Variants in ZBTB49 observed in about 807,000 individuals in gnomAD.
ZBTB49 encodes zinc finger and BTB domain containing 49, also known as zinc finger and BTB domain-containing protein 49.
A neutral mutation model predicts 57.5 loss-of-function variants in ZBTB49; 43 were observed. The ratio of observed to expected loss-of-function variants is 0.75; its 90% CI spans 0.59 to 0.97. ZBTB49 has a LOEUF of 0.97. ZBTB49 is among the 50% of genes least tolerant of loss of function. The probability of loss-of-function intolerance (pLI) is 0.00; values close to 1 mark genes in which losing one functional copy is unlikely to be tolerated. For missense variants in ZBTB49, 938 were observed against 947.7 expected (o/e 0.99, Z 0.13); for synonymous variants, 369 against 362.1 (o/e 1.02, Z -0.22).
rs149844660 is a variant in ZBTB49, at chr4:4,315,666, C to T, written c.1407C>T (p.His469=). Residue 469 remains histidine (H), a synonymous_variant, in exon 6 of 8, where the codon CAC becomes CAT. Coordinates refer to ENST00000337872, the MANE Select transcript of ZBTB49 (RefSeq NM_145291.4). ...CAGCCTCTGGCGACGTCCAGCGTCA[C>T]ATTATTATTCACTCAGGAGAAAAAC... ...RFAASGDVQR[H]IIIHSGEKPH... 1.3e-4 allele frequency: 215 copies of T among 1,614,098 alleles called. No individual in the cohort carries two copies. The highest frequency in any genetic ancestry group is 1.7e-4 in the Non-Finnish European group (201 of 1,180,042).
chr4:4,310,511 A>AT (rs66523167), intron 4 of ZBTB49, among the ~76,000 whole-genome samples: 4,452 of 141,292 alleles, frequency 0.032, 128 homozygotes, highest in Non-Finnish European at 0.045. Flanking sequence ...ACTTGCTAGA[A>AT]TTTTTTTTTT....
rs1465226148 is a variant in ZBTB49, at chr4:4,303,048, T to C, written c.1212T>C (p.Phe404=). The C allele has an allele frequency of 6.2e-7, 1 of 1,612,322 alleles. No homozygotes were observed. Among genetic ancestry groups the C allele is most frequent in the Admixed American group, 1.7e-5 (1 of 59,736 alleles). ...CGTGTGAATTATGCGGGAAACCTTTTAAACACCCAAGCAACTTGGAGCTTC... is the reference window on the plus strand; with the variant it reads ...CGTGTGAATTATGCGGGAAACCTTTCAAACACCCAAGCAACTTGGAGCTTC... ...QYACELCGKP[F]KHPSNLELHK... is the part of the protein sequence containing the mutation. Residue 404 remains phenylalanine (F), a synonymous_variant, in exon 3 of 8, where the codon TTT becomes TTC. Transcript: ENST00000337872.
chr4:4,314,473 G>A (rs1308851873), intron 5 of ZBTB49, among the ~76,000 whole-genome samples: 1 of 152,238 alleles, frequency 6.6e-6, no homozygotes, highest in Non-Finnish European at 1.5e-5. Flanking sequence ...CTGGGTTCAA[G>A]CGATTCTCCT....
intron 7 of ZBTB49, among the ~76,000 whole-genome samples, chr4:4,319,594 G>C (rs1721325053): frequency 6.6e-6 from 1 of 152,250 alleles, no homozygotes; most frequent in Admixed American, 6.5e-5. Context: ...GCTGAGATGA[G>C]CTGATCACTT....
In ZBTB49 at chr4:4,321,432, A is replaced by G; in HGVS notation, c.*116A>G. The G allele has an allele frequency of 9.2e-7, 1 of 1,083,326 alleles. No homozygotes were observed. Among genetic ancestry groups the G allele is most frequent in the East Asian group, 2.6e-5 (1 of 38,876 alleles). The allele number at this position is 1,083,326 out of a possible 1,614,324, so 67.1% of individuals were successfully genotyped here. ...CCTTCTAACTAGCCAGAGAATAGGT[A>G]GCTTCCCTCCTGATGATGGCTCATA... On this transcript the variant is annotated 3_prime_UTR_variant, in exon 8 of 8. Transcript: ENST00000337872.
At chr4:4,294,341 C>T (rs1156652572) in intron 1 of ZBTB49, among the ~76,000 whole-genome samples, 2 of 151,844 alleles carry the variant, frequency 1.3e-5, no homozygotes, top group African/African-American at 4.8e-5. Context: ...GAGAACTATA[C>T]AAAATGATAT....
chr4:4,318,403 G>A (rs1478446393), intron 7 of ZBTB49, among the ~76,000 whole-genome samples: 1 of 152,180 alleles, frequency 6.6e-6, no homozygotes, highest in African/African-American at 2.4e-5. Flanking sequence ...ATCACTTGAC[G>A]TCAGGAGTTT....
intron 4 of ZBTB49, 86 bp downstream of exon 4, chr4:4,306,270 G>A (rs1652480005): frequency 8.7e-7 from 1 of 1,145,098 alleles, no homozygotes; most frequent in Admixed American, 1.9e-5. Flanking sequence ...TTTTGTACTT[G>A]TGAGAGAAGC....
chr4:4,315,451 T>G (rs1271754845), intron 5 of ZBTB49, among the ~76,000 whole-genome samples, 185 bp from the exon 6 acceptor site: 1 of 151,778 alleles, frequency 6.6e-6, no homozygotes, highest in East Asian at 2.0e-4. Flanking sequence ...TGCATCATGT[T>G]CTGCTTTTCT....
intron 1 of ZBTB49, among the ~76,000 whole-genome samples, chr4:4,298,820 C>T (rs915024092): frequency 6.6e-6 from 1 of 152,184 alleles, no homozygotes; most frequent in African/African-American, 2.4e-5. Flanking sequence ...CTAGACTGCG[C>T]CCTAGACATC....
In ZBTB49 at chr4:4,315,955, A is replaced by G. The variant is rs199649506; in HGVS notation, c.1606A>G (p.Ser536Gly). ...RIRHTGERPY[S>G]CSACGKCFGG... ...TCGGCACACGGGGGAGCGGCCTTAC[A>G]GCTGCTCTGCCTGCGGTGAGTTTGG... is the stretch of plus-strand genomic sequence containing the variant. Residue 536 changes from serine to glycine, a missense_variant, in exon 7 of 8, where the codon AGC (serine) becomes GGC (glycine). Around this residue, in one of 3 missense-constraint regions of ZBTB49, gnomAD observed 835 missense variants for 819.1 expected, o/e 1.02. Coordinates refer to ENST00000337872, the MANE Select transcript of ZBTB49 (RefSeq NM_145291.4). The G allele has an allele frequency of 1.5e-5, 24 of 1,613,980 alleles. No homozygotes were observed. In the East Asian group the frequency reaches 5.3e-4, roughly 36 times the overall value.
At chr4:4,312,792 C>G (rs999940804) in intron 4 of ZBTB49, among the ~76,000 whole-genome samples, 4 of 152,188 alleles carry the variant, frequency 2.6e-5, no homozygotes, top group Non-Finnish European at 5.9e-5. Flanking sequence ...CCTGCCTGAA[C>G]TAGGACACAG....
At chr4:4,295,050 A>G (rs1720128140) in intron 1 of ZBTB49, among the ~76,000 whole-genome samples, 1 of 152,102 alleles carries the variant, frequency 6.6e-6, no homozygotes, top group Non-Finnish European at 1.5e-5. Flanking sequence ...AAGTCTCCAT[A>G]TCTTAATTGT....
chr4:4,293,128 G>T (rs1167030371), intron 1 of ZBTB49, among the ~76,000 whole-genome samples: 1 of 152,154 alleles, frequency 6.6e-6, no homozygotes, highest in Non-Finnish European at 1.5e-5. Flanking sequence ...CATCCATCCA[G>T]AAATATGTAT....
chr4:4,296,116 G>A (rs73793204), intron 1 of ZBTB49, among the ~76,000 whole-genome samples: 2,488 of 152,330 alleles, frequency 0.016, 57 homozygotes, highest in African/African-American at 0.056. Context: ...GGATGGGACA[G>A]ATCAGGGACA....
chr4:4,320,564 T>C (rs956836367), intron 7 of ZBTB49, 76 bp from the exon 8 acceptor site: 1 of 1,565,790 alleles, frequency 6.4e-7, no homozygotes, highest in Non-Finnish European at 8.7e-7. Context: ...TGTTTGAGGC[T>C]AGGAGTTCAC....
At chr4:4,309,442 C>A (rs1386122094) in intron 4 of ZBTB49, among the ~76,000 whole-genome samples, 1 of 152,132 alleles carries the variant, frequency 6.6e-6, no homozygotes, top group East Asian at 1.9e-4. Context: ...TGGAGAGAAC[C>A]AAAAGAGTGA....
In ZBTB49 at chr4:4,315,837, G is replaced by A; in HGVS notation, c.1488G>A (p.Glu496=). Residue 496 remains glutamate (E), a synonymous_variant, in exon 7 of 8, where the codon GAG becomes GAA. Coordinates refer to ENST00000337872, the MANE Select transcript of ZBTB49 (RefSeq NM_145291.4). ...TTAGTAACTTCAGTAATTTGAAGGA[G>A]CACAAAAAGACACACACGGCTGATA... ...RGFSNFSNLK[E]HKKTHTADKV... 6.2e-7 allele frequency: 1 copy of A among 1,614,216 alleles called. No homozygotes were observed. Among genetic ancestry groups the A allele is most frequent in the Non-Finnish European group, 8.5e-7 (1 of 1,180,034 alleles).
At chr4:4,308,706 G>A (rs4689269) in intron 4 of ZBTB49, among the ~76,000 whole-genome samples, 1 of 152,178 alleles carries the variant, frequency 6.6e-6, no homozygotes, top group African/African-American at 2.4e-5. Flanking sequence ...GTGCCGGGAA[G>A]GGGGACAGAA....
Sources: gnomAD v4.1 joint callset for allele counts (sites outside exome capture counted in the v4.1 genomes callset) on GRCh38, gnomAD v4.1.1 for gene constraint, gnomAD v4.1.1 regional missense constraint, MANE v1.5 for transcripts, NCBI Gene and HGNC (gene_info 2026-07-23, HGNC 2026-07-21) for gene names.